The following XRCC6 variants were observed in gnomAD, a reference collection of about 807,000 sequenced individuals.
XRCC6 encodes DNA repair protein Ku70.
Under a neutral mutation model 65.7 loss-of-function variants are expected in XRCC6, and 5 were observed. That is an observed-to-expected ratio of 0.08 (90% confidence interval 0.04 to 0.16). The LOEUF (loss-of-function observed/expected upper bound fraction) is 0.16. XRCC6 is among the 10% of genes least tolerant of loss of function. The pLI, the probability that XRCC6 is intolerant of heterozygous loss-of-function variation, is 1.00. For synonymous variants in XRCC6, 270 were observed against 270.6 expected, an observed-to-expected ratio of 1.00 and a Z score of 0.02; for missense variants, 447 against 738.1, an observed-to-expected ratio of 0.61 and a Z score of 4.57.
At chr22:41,660,818 A>C (rs1176143471) in intron 11 of XRCC6, among the ~76,000 whole-genome samples, 1 of 152,106 alleles carries the variant, frequency 6.6e-6, no homozygotes. Flanking sequence ...AGGCATGAGC[A>C]CTTGTTTGAA....
intron 3 of XRCC6, 36 bp from the exon 4 acceptor site, chr22:41,636,077 G>A (rs1184983613): frequency 1.9e-6 from 3 of 1,543,490 alleles, no homozygotes; most frequent in Non-Finnish European, 2.6e-6. Flanking sequence ...CTTCCATTTA[G>A]TGGTAAGTAA....
chr22:41,641,476 C>T (rs2067875796), intron 6 of XRCC6, among the ~76,000 whole-genome samples: 1 of 152,092 alleles, frequency 6.6e-6, no homozygotes, highest in African/African-American at 2.4e-5. Flanking sequence ...TCTGATTATA[C>T]TCCTTTAGTT....
intron 9 of XRCC6, among the ~76,000 whole-genome samples, chr22:41,656,032 CCAGCCTGAG>C (rs2068041613): frequency 6.6e-6 from 1 of 151,014 alleles, no homozygotes; most frequent in Non-Finnish European, 1.5e-5. Context: ...AGTTTTGAGA[CCAGCCTGAG>C]CAACATGGTG....
At chr22:41,622,204 G>A (rs2067615815) in intron 2 of XRCC6, 118 bp downstream of exon 2, 3 of 1,093,962 alleles carry the variant, frequency 2.7e-6, no homozygotes, top group Non-Finnish European at 4.0e-6. Context: ...AGATAATTCT[G>A]AAATTCTTTT....
At chr22:41,658,154 G>C in intron 10 of XRCC6, 98 bp from the exon 11 acceptor site, 1 of 1,228,774 alleles carries the variant, frequency 8.1e-7, no homozygotes, top group East Asian at 2.4e-5. Context: ...GTTTTTCTCA[G>C]CTCACCCCGG....
chr22:41,661,252 T>C, intron 11 of XRCC6, 79 bp from the exon 12 acceptor site: 1 of 1,250,974 alleles, frequency 8.0e-7, no homozygotes, highest in South Asian at 1.3e-5. Flanking sequence ...CTCTTCTGGT[T>C]CTCAGAGAGT....
intron 2 of XRCC6, among the ~76,000 whole-genome samples, chr22:41,624,700 A>G (rs187286424): frequency 9.7e-4 from 141 of 145,980 alleles, no homozygotes; most frequent in African/African-American, 3.4e-3. Flanking sequence ...AAAAATAATA[A>G]TAAAATAAAA....
chr22:41,636,874 A>G lies in XRCC6; in HGVS notation c.589+104A>G, dbSNP rs1273352128. The G allele has an allele frequency of 4.2e-6, 6 of 1,424,918 alleles. No individual in the cohort carries two copies. In the South Asian group the frequency reaches 5.9e-5, roughly 14 times the overall value. The allele number at this position is 1,424,918 out of a possible 1,614,324, so 88.3% of individuals were successfully genotyped here. A position where few individuals can be genotyped will look rare whatever the true frequency, so the allele number is the denominator to read the frequency against. ...GTCTTGGCTCAGCCTCAGCCTCCCA[A>G]GTAGCTGGGACTATAAGCATGTGCT... On this transcript the variant is annotated intron_variant, in intron 5 of 12. Transcript: ENST00000360079.
chr22:41,622,918 C>G (rs906137263), intron 2 of XRCC6, among the ~76,000 whole-genome samples: 7 of 150,894 alleles, frequency 4.6e-5, no homozygotes, highest in Admixed American at 6.6e-5. Flanking sequence ...GCATTCCAGC[C>G]TGGGTGACAG....
At chr22:41,649,915 C>T (rs2067978903) in intron 7 of XRCC6, among the ~76,000 whole-genome samples, 1 of 151,852 alleles carries the variant, frequency 6.6e-6, no homozygotes, top group South Asian at 2.1e-4. Flanking sequence ...ACCTGTAATC[C>T]CAGCTAGTCA....
intron 11 of XRCC6, among the ~76,000 whole-genome samples, chr22:41,660,175 C>T (rs1036690839): frequency 6.6e-6 from 1 of 152,234 alleles, no homozygotes; most frequent in South Asian, 2.1e-4. Context: ...GTGAGCTGCC[C>T]ATCTCATCAC....
chr22:41,657,055 G>A (rs747705198), intron 10 of XRCC6, 23 bp downstream of exon 10: 1 of 1,543,886 alleles, frequency 6.5e-7, no homozygotes, highest in Non-Finnish European at 8.7e-7. Context: ...CAGGCTTTCT[G>A]GAACTGCCTC....
At chr22:41,662,744 C>T (rs1052550102) in intron 12 of XRCC6, among the ~76,000 whole-genome samples, 1 of 152,142 alleles carries the variant, frequency 6.6e-6, no homozygotes, top group African/African-American at 2.4e-5. Flanking sequence ...TTTTCCTGCA[C>T]TCTCACCCTT....
chr22:41,637,532 C>T, intron 5 of XRCC6, 76 bp from the exon 6 acceptor site: 1 of 1,315,674 alleles, frequency 7.6e-7, no homozygotes, highest in Non-Finnish European at 1.0e-6. Context: ...AAGCATGTTT[C>T]AGTTTTAACT....
chr22:41,652,806 T>A (rs1027129036), intron 8 of XRCC6, among the ~76,000 whole-genome samples: 5 of 152,160 alleles, frequency 3.3e-5, no homozygotes, highest in Admixed American at 6.5e-5. Flanking sequence ...CCCAAGTAGC[T>A]GGGACTACAG....
chr22:41,649,293 G>C (rs1165747118), intron 7 of XRCC6, among the ~76,000 whole-genome samples: 1 of 149,942 alleles, frequency 6.7e-6, no homozygotes, highest in African/African-American at 2.4e-5. Flanking sequence ...CAGCCACCTG[G>C]GTAGCTGGGA....
chr22:41,662,314 C>T (rs1404140868), intron 12 of XRCC6, among the ~76,000 whole-genome samples: 5 of 152,040 alleles, frequency 3.3e-5, no homozygotes, highest in Non-Finnish European at 7.4e-5. Flanking sequence ...TATCAAAATA[C>T]CTCAGGTACC....
chr22:41,649,139 A>AAAAAAAATATATATATATATATAT, intron 7 of XRCC6, among the ~76,000 whole-genome samples: 2 of 88,734 alleles, frequency 2.3e-5, no homozygotes, highest in African/African-American at 4.6e-5. Flanking sequence ...AAAAAAAAAA[A>AAAAAAAATATATATATATATATAT]ATATATATAT....
chr22:41,639,329 CTTTTTTTTTTTTTTTT>C (rs386395480), intron 6 of XRCC6, among the ~76,000 whole-genome samples: 1 of 64,584 alleles, frequency 1.5e-5, no homozygotes, highest in African/African-American at 6.1e-5. Context: ...GATTCTTTTT[CTTTTTTTTTTTTTTTT>C]TTTTTTTTTG....
Sources: gnomAD v4.1 joint callset for allele counts (sites outside exome capture counted in the v4.1 genomes callset) on GRCh38, gnomAD v4.1.1 for gene constraint, MANE v1.5 for transcripts, NCBI Gene and HGNC (gene_info 2026-07-23, HGNC 2026-07-21) for gene names.